The following ITGA8 variants were observed in gnomAD, a reference collection of about 807,000 sequenced individuals.
ITGA8 encodes the protein integrin alpha-8.
A neutral mutation model predicts 142.3 loss-of-function variants in ITGA8; 91 were observed. The observed-to-expected ratio is 0.64, with a 90% CI of 0.54 to 0.76. ITGA8 has a LOEUF of 0.76. Ranked by LOEUF, ITGA8 falls within the 30% of genes least tolerant of loss-of-function variation. ITGA8 has a pLI of 0.00. For synonymous variants in ITGA8, 505 were observed against 485.2 expected (o/e 1.04, Z -0.54); for missense variants, 1,406 against 1,327.7 (o/e 1.06, Z -0.92).
intron 27 of ITGA8, among the ~76,000 whole-genome samples, chr10:15,546,822 G>T (rs1261001647): frequency 2.0e-5 from 3 of 147,908 alleles, no homozygotes; most frequent in African/African-American, 7.5e-5. Flanking sequence ...AGGAAGGGAA[G>T]AAAGGGAGGG....
At chr10:15,534,405 G>A (rs1485463337) in intron 27 of ITGA8, among the ~76,000 whole-genome samples, 11 of 152,152 alleles carry the variant, frequency 7.2e-5, no homozygotes. Flanking sequence ...AAAGATGCAA[G>A]GCATATTCCT....
chr10:15,542,491 G>GA lies in ITGA8; in HGVS notation c.2880+5963_2880+5964insT, dbSNP rs57453053. On this transcript the variant is annotated intron_variant, in intron 27 of 29. Transcript: ENST00000378076. Reference sequence around the variant, plus strand: ...GTTTTCTTTATTGGATTCTGAAATAGCATGCTATACAATTTAAATATCTTG... The same window carrying GA: ...GTTTTCTTTATTGGATTCTGAAATAGACATGCTATACAATTTAAATATCTTG... Among the ~76,000 whole-genome samples the GA allele has an allele frequency of 8.3e-3, 1,257 of 152,258 alleles. 6 individuals carry two copies. Among genetic ancestry groups the GA allele is most frequent in the Admixed American group, 0.012 (186 of 15,298 alleles).
intron 27 of ITGA8, among the ~76,000 whole-genome samples, chr10:15,535,905 C>G (rs149407318): frequency 0.055 from 8,319 of 152,088 alleles, 733 homozygotes; most frequent in African/African-American, 0.19. Context: ...CCTCGAAGGT[C>G]TGCAGCTTCA....
chr10:15,685,648 T>A (rs1834820869), intron 3 of ITGA8, among the ~76,000 whole-genome samples: 1 of 152,242 alleles, frequency 6.6e-6, no homozygotes, highest in Non-Finnish European at 1.5e-5. Context: ...CTTTTCATTT[T>A]CAGAATGTTG....
chr10:15,564,611 C>A (rs1202459828), intron 25 of ITGA8, among the ~76,000 whole-genome samples: 3 of 152,176 alleles, frequency 2.0e-5, no homozygotes, highest in Non-Finnish European at 4.4e-5. Flanking sequence ...CATTCTTTAC[C>A]AAACTCTTCA....
chr10:15,582,431 A>G (rs1395200897), intron 23 of ITGA8, among the ~76,000 whole-genome samples: 4 of 152,234 alleles, frequency 2.6e-5, no homozygotes, highest in Non-Finnish European at 5.9e-5. Flanking sequence ...ACATTAAAAA[A>G]TCAACTGGAT....
chr10:15,694,423 TATC>T (rs1431970429), intron 2 of ITGA8, among the ~76,000 whole-genome samples: 1 of 138,428 alleles, frequency 7.2e-6, no homozygotes, highest in Non-Finnish European at 1.5e-5. Flanking sequence ...TCAGATAATA[TATC>T]ATATATATGA....
chr10:15,531,048 A>ACTG lies in ITGA8; in HGVS notation c.2982+1_2982+2insCAG. ...TGCCTATATATATTTAAAGATACTC[A>ACTG]CTACTATGCTTCCTTCTGGGAGTTT... On this transcript the variant is annotated splice_donor_variant, in intron 28 of 29. Transcript: ENST00000378076. LOFTEE classifies it high-confidence loss of function. The ACTG allele has an allele frequency of 7.3e-7, 1 of 1,374,810 alleles. No individual in the cohort carries two copies. Among genetic ancestry groups the ACTG allele is most frequent in the Non-Finnish European group, 1.0e-6 (1 of 986,750 alleles). The allele number at this position is 1,374,810 out of a possible 1,614,324, so 85.2% of individuals were successfully genotyped here.
intron 2 of ITGA8, among the ~76,000 whole-genome samples, chr10:15,709,961 G>A (rs1467285601): frequency 6.6e-6 from 1 of 152,024 alleles, no homozygotes; most frequent in African/African-American, 2.4e-5. Context: ...GACAAGAGAG[G>A]GAACAACTAA....
intron 27 of ITGA8, among the ~76,000 whole-genome samples, chr10:15,536,406 C>T (rs1833438933): frequency 6.6e-6 from 1 of 152,132 alleles, no homozygotes; most frequent in South Asian, 2.1e-4. Flanking sequence ...CCAAGTTCTG[C>T]GTTGTAGATC....
intron 14 of ITGA8, among the ~76,000 whole-genome samples, chr10:15,615,915 C>T (rs750902407): frequency 1.2e-4 from 19 of 152,264 alleles, no homozygotes; most frequent in Admixed American, 3.9e-4. Context: ...ATGCTTTGAA[C>T]AAAGGTAACG....
chr10:15,715,728 C>T (rs1045414506), intron 2 of ITGA8, among the ~76,000 whole-genome samples: 4 of 152,232 alleles, frequency 2.6e-5, no homozygotes, highest in East Asian at 1.9e-4. Context: ...TTTCATCTTT[C>T]GTTTTAACAT....
intron 13 of ITGA8, among the ~76,000 whole-genome samples, chr10:15,623,712 T>C (rs1588681691): frequency 6.6e-6 from 1 of 152,002 alleles, no homozygotes; most frequent in African/African-American, 2.4e-5. Context: ...TAAAAATAAA[T>C]AAATAAAGAT....
intron 4 of ITGA8, among the ~76,000 whole-genome samples, chr10:15,682,677 GA>G (rs1834759133): frequency 6.6e-6 from 1 of 151,948 alleles, no homozygotes; most frequent in Non-Finnish European, 1.5e-5. Context: ...CAACATGGCA[GA>G]AACCCCTCTC....
At chr10:15,531,793 A>T (rs1411293337) in intron 27 of ITGA8, among the ~76,000 whole-genome samples, 1 of 151,816 alleles carries the variant, frequency 6.6e-6, no homozygotes, top group Non-Finnish European at 1.5e-5. Flanking sequence ...AGAAAAAAAA[A>T]AAATAGCTTG....
intron 29 of ITGA8, 60 bp from the exon 30 acceptor site, chr10:15,517,304 A>T: frequency 9.0e-7 from 1 of 1,114,282 alleles, no homozygotes; most frequent in Non-Finnish European, 1.3e-6. Context: ...GAAACCCCTC[A>T]TTCAAAGAAT....
At chr10:15,621,986 C>G (rs887611466) in intron 13 of ITGA8, among the ~76,000 whole-genome samples, 7 of 152,138 alleles carry the variant, frequency 4.6e-5, no homozygotes, top group Admixed American at 1.3e-4. Context: ...GGTGAAAACC[C>G]GTCTCTACTG....
Position 15,702,908 on chromosome 10 carries a change from A to G in ITGA8, c.344-14870T>C, listed in dbSNP as rs1835191813. Among the ~76,000 whole-genome samples, 3 of 152,354 alleles carry G rather than the reference A, an allele frequency of 2.0e-5. No individual in the cohort carries two copies. The South Asian group carries it at 6.2e-4, about 32-fold the overall frequency. On this transcript the variant is annotated intron_variant, in intron 2 of 29. Transcript: ENST00000378076. ...ATAAGGTAGCAAGTGAAAGGCCATT[A>G]GAATACAACTCCCTGGACTTAGTCA...
At chr10:15,608,420 CA>C (rs1281216305) in intron 15 of ITGA8, 130 bp from the exon 16 acceptor site, 537 of 570,280 alleles carry the variant, frequency 9.4e-4, no homozygotes, top group African/African-American at 6.8e-3. Context: ...CACACACACA[CA>C]CACCCACACA....
Sources: gnomAD v4.1 joint callset for allele counts (sites outside exome capture counted in the v4.1 genomes callset) on GRCh38, gnomAD v4.1.1 for gene constraint, MANE v1.5 for transcripts, NCBI Gene and HGNC (gene_info 2026-07-23, HGNC 2026-07-21) for gene names.